The following VAC14 variants were observed in gnomAD, a reference collection of about 807,000 sequenced individuals.
VAC14 encodes the protein VAC14 component of PIKFYVE complex.
Under a neutral mutation model 85.3 loss-of-function variants are expected in VAC14, and 47 were observed. The observed-to-expected ratio is 0.55, with a 90% CI of 0.44 to 0.70. The LOEUF (loss-of-function observed/expected upper bound fraction) is 0.70, where lower values mean the gene tolerates loss of function less well. Ranked by LOEUF, VAC14 falls within the 30% of genes least tolerant of loss-of-function variation. VAC14 has a pLI of 0.00. For missense variants in VAC14, 861 were observed against 1,004.3 expected (o/e 0.86, Z 1.93); for synonymous variants, 447 against 430.5 (o/e 1.04, Z -0.47).
intron 1 of VAC14, among the ~76,000 whole-genome samples, chr16:70,798,224 G>A (rs891049652): frequency 7.1e-6 from 1 of 140,258 alleles, no homozygotes; most frequent in Non-Finnish European, 1.5e-5. Context: ...CAGGAAATAG[G>A]GTATCTTAAA....
intron 14 of VAC14, among the ~76,000 whole-genome samples, chr16:70,703,623 C>T (rs986527079): frequency 1.3e-5 from 2 of 152,154 alleles, no homozygotes; most frequent in African/African-American, 2.4e-5. Context: ...GCCCTGTGGA[C>T]GCAGCTCTGC....
chr16:70,688,344 T>C (rs984359657), intron 18 of VAC14: 6 of 1,156,126 alleles, frequency 5.2e-6, no homozygotes, highest in Non-Finnish European at 5.3e-6. Context: ...GGGCTGGCGA[T>C]GGCGCCCAGA....
intron 12 of VAC14, among the ~76,000 whole-genome samples, chr16:70,759,704 A>G (rs2032162506): frequency 1.3e-5 from 2 of 152,206 alleles, no homozygotes; most frequent in Non-Finnish European, 2.9e-5. Context: ...CTCCACGCTC[A>G]AGAACTTCTG....
chr16:70,723,005 C>G (rs1480897519), intron 14 of VAC14, among the ~76,000 whole-genome samples: 1 of 152,092 alleles, frequency 6.6e-6, no homozygotes, highest in Non-Finnish European at 1.5e-5. Flanking sequence ...CACCTGAGGT[C>G]AGGAGTTTGA....
Position 70,692,974 on chromosome 16 carries a change from G to C in VAC14, c.2036-3C>G, listed in dbSNP as rs756905317. ...GTCCAGCAGCTGCAGGCGCAGATCTGGGGTAGGCAGAGGGCAGGGGTCAGG... is the reference window on the plus strand; with the variant it reads ...GTCCAGCAGCTGCAGGCGCAGATCTCGGGTAGGCAGAGGGCAGGGGTCAGG... On this transcript the variant is annotated splice_polypyrimidine_tract_variant and splice_region_variant and intron_variant, in intron 17 of 18. Coordinates refer to ENST00000261776, the MANE Select transcript of VAC14 (RefSeq NM_018052.5). The C allele has an allele frequency of 6.2e-7, 1 of 1,609,700 alleles. No individual in the cohort carries two copies. The highest frequency in any genetic ancestry group is 2.2e-5 in the East Asian group (1 of 44,808).
rs80046448 is a variant in VAC14 at position 70,744,112 on chromosome 16, C to A, written c.1528+311G>T. Among the ~76,000 whole-genome samples, 558 of 152,290 alleles carry A rather than the reference C, an allele frequency of 3.7e-3. 2 individuals carry two copies. The highest frequency in any genetic ancestry group is 0.015 in the South Asian group (70 of 4,824). On this transcript the variant is annotated intron_variant, in intron 13 of 18. Transcript: ENST00000261776. Reference sequence around the variant, plus strand: ...CCCTGGATTCCAGACTGGAGAGATGCTGCCTAGGCAGAGAGACCAGCAGCC... The same window carrying A: ...CCCTGGATTCCAGACTGGAGAGATGATGCCTAGGCAGAGAGACCAGCAGCC...
chr16:70,766,384 G>C (rs2032815128), intron 10 of VAC14: 1 of 430,096 alleles, frequency 2.3e-6, no homozygotes. Context: ...GCATATCACG[G>C]AGCTGGTATG....
chr16:70,765,094 A>G (rs940315296), intron 10 of VAC14, among the ~76,000 whole-genome samples: 1 of 151,338 alleles, frequency 6.6e-6, no homozygotes, highest in African/African-American at 2.4e-5. Context: ...AGCCACCCCC[A>G]CCCCAACCTG....
At chr16:70,712,644 T>C (rs1435790865) in intron 14 of VAC14, among the ~76,000 whole-genome samples, 1 of 152,142 alleles carries the variant, frequency 6.6e-6, no homozygotes, top group African/African-American at 2.4e-5. Context: ...CCGAGCCTCA[T>C]GCTGATAAAT....
At chr16:70,765,678 C>A (rs2032751791) in intron 10 of VAC14, among the ~76,000 whole-genome samples, 1 of 152,208 alleles carries the variant, frequency 6.6e-6, no homozygotes, top group Non-Finnish European at 1.5e-5. Flanking sequence ...CTGACCAGGG[C>A]AGCAGGCTCA....
rs1555523466 is a variant in VAC14, at chr16:70,762,106, T to TTTTTTG, written c.1371+428_1371+433dup. ...GTCCTCACTCCTAAAGTGAGTTTTT[T>TTTTTTG]TTTTTGTTTTTGTTTTTTTGAGACA... is the stretch of plus-strand genomic sequence containing the variant. On this transcript the variant is annotated intron_variant, in intron 12 of 18. Coordinates refer to ENST00000261776, the MANE Select transcript of VAC14 (RefSeq NM_018052.5). The surrounding 1 kb of genome is among the most constrained non-coding windows in gnomAD (Gnocchi z 4.1). 3.3e-4 allele frequency among the ~76,000 whole-genome samples: 50 copies of TTTTTTG among 151,648 alleles called. No individual in the cohort carries two copies. Among genetic ancestry groups the TTTTTTG allele is most frequent in the African/African-American group, 1.2e-3 (49 of 41,166 alleles).
chr16:70,691,039 G>A (rs749316237), intron 18 of VAC14: 24 of 985,438 alleles, frequency 2.4e-5, no homozygotes, highest in Non-Finnish European at 2.8e-5. Context: ...GGCCTGCAAA[G>A]CATCCACTGA....
intron 16 of VAC14, 75 bp from the exon 17 acceptor site, chr16:70,695,698 C>G (rs1056587169): frequency 6.5e-5 from 94 of 1,441,536 alleles, no homozygotes; most frequent in Admixed American, 4.7e-4. Flanking sequence ...CGCCCTCCCC[C>G]CCTGCACCTG....
chr16:70,744,537 A>G lies in VAC14; in HGVS notation c.1414T>C (p.Ser472Pro), dbSNP rs1251013874. Reference protein sequence around the residue: ...DLEVLAEIASSPAGQTDDPGP... With the variant: ...DLEVLAEIASPPAGQTDDPGP... ...GGGTCATCCGTCTGGCCTGCGGGGG[A>G]GGAAGCGATTTCTGCCAGCACCTCC... The change falls in exon 13 of 19, where the codon TCC (serine) becomes CCC (proline). Residue 472 changes from serine (S) to proline (P), a missense_variant. Around this residue, in one of 3 missense-constraint regions of VAC14, gnomAD observed 629 missense variants for 703.1 expected, o/e 0.89. Transcript: ENST00000261776. 6.2e-7 allele frequency: 1 copy of G among 1,610,306 alleles called. No individual in the cohort carries two copies. Among genetic ancestry groups the G allele is most frequent in the Admixed American group, 1.7e-5 (1 of 59,200 alleles).
chr16:70,777,493 C>T (rs542031567), intron 9 of VAC14, among the ~76,000 whole-genome samples: 1 of 152,334 alleles, frequency 6.6e-6, no homozygotes, highest in Non-Finnish European at 1.5e-5. Context: ...TCTCTGCTGC[C>T]ATTCCTGAGA....
At chr16:70,742,034 A>G (rs2030370667) in intron 13 of VAC14, among the ~76,000 whole-genome samples, 1 of 152,188 alleles carries the variant, frequency 6.6e-6, no homozygotes, top group Non-Finnish European at 1.5e-5. Context: ...CATGAGCAGG[A>G]GCCTAAATCA....
intron 12 of VAC14, among the ~76,000 whole-genome samples, chr16:70,753,728 C>G (rs999550307): frequency 1.3e-5 from 2 of 152,172 alleles, no homozygotes; most frequent in Non-Finnish European, 2.9e-5. Flanking sequence ...GCCCAAGCAG[C>G]TGGATTTTAA....
intron 14 of VAC14, among the ~76,000 whole-genome samples, chr16:70,710,215 G>A (rs1326157027): frequency 1.3e-5 from 2 of 152,344 alleles, no homozygotes; most frequent in Middle Eastern, 3.4e-3. Context: ...ATGTTCCCAT[G>A]AACATGTTCC....
At chr16:70,760,705 C>A (rs1478131304) in intron 12 of VAC14, among the ~76,000 whole-genome samples, 2 of 152,178 alleles carry the variant, frequency 1.3e-5, no homozygotes, top group East Asian at 1.9e-4. Context: ...TCCGCCTGCT[C>A]CCTTTCAATG....
Sources: gnomAD v4.1 joint callset for allele counts (sites outside exome capture counted in the v4.1 genomes callset) on GRCh38, gnomAD v4.1.1 for gene constraint, gnomAD v4.1.1 regional missense constraint, Gnocchi (gnomAD v3.1) non-coding constraint, MANE v1.5 for transcripts, NCBI Gene and HGNC (gene_info 2026-07-23, HGNC 2026-07-21) for gene names.